The following ANKRD17 variants were observed in gnomAD, a reference collection of about 807,000 sequenced individuals.
ANKRD17 encodes ankyrin repeat domain-containing protein 17.
In ANKRD17, 19 loss-of-function variants were observed where a neutral mutation model predicts 229.7. That is an observed-to-expected ratio of 0.08 (90% CI 0.06 to 0.12). The LOEUF (loss-of-function observed/expected upper bound fraction) is 0.12. ANKRD17 is among the 10% of genes least tolerant of loss of function. The pLI, the probability that ANKRD17 is intolerant of heterozygous loss-of-function variation, is 1.00. For synonymous variants in ANKRD17, 1,112 were observed against 1,146.1 expected (o/e 0.97, Z 0.60); for missense variants, 2,176 against 3,176.8 (o/e 0.68, Z 7.57).
intron 29 of ANKRD17, among the ~76,000 whole-genome samples, chr4:73,086,785 T>C (rs1243397132): frequency 6.8e-6 from 1 of 146,640 alleles, no homozygotes; most frequent in African/African-American, 2.5e-5. Flanking sequence ...TTAGCTTTTA[T>C]AGAACACATG....
chr4:73,229,438 A>G (rs999419488), intron 1 of ANKRD17, among the ~76,000 whole-genome samples: 1 of 152,180 alleles, frequency 6.6e-6, no homozygotes, highest in Non-Finnish European at 1.5e-5. Context: ...AATCAATATT[A>G]GTTTTAAATC....
intron 1 of ANKRD17, among the ~76,000 whole-genome samples, chr4:73,245,427 C>T (rs761858447): frequency 2.0e-5 from 3 of 152,144 alleles, no homozygotes; most frequent in Admixed American, 2.0e-4. Flanking sequence ...CAGGTTCTTC[C>T]GAGCAAATGA....
chr4:73,205,205 T>C (rs1238195120), intron 1 of ANKRD17, among the ~76,000 whole-genome samples: 2 of 152,030 alleles, frequency 1.3e-5, no homozygotes, highest in Non-Finnish European at 2.9e-5. Flanking sequence ...ACACAGCCTA[T>C]AGTTGCAGCT....
chr4:73,137,251 A>T (rs1398787137), intron 15 of ANKRD17, among the ~76,000 whole-genome samples: 1 of 152,170 alleles, frequency 6.6e-6, no homozygotes, highest in African/African-American at 2.4e-5. Context: ...CACACATCAG[A>T]AAAGTTTTAA....
intron 29 of ANKRD17, among the ~76,000 whole-genome samples, chr4:73,090,008 C>T (rs1041645930): frequency 5.9e-5 from 9 of 151,994 alleles, no homozygotes; most frequent in Non-Finnish European, 7.4e-5. Context: ...AAAGATAATG[C>T]GAAATGAAAC....
intron 1 of ANKRD17, among the ~76,000 whole-genome samples, chr4:73,249,717 G>A (rs1472531019): frequency 1.3e-5 from 2 of 152,226 alleles, no homozygotes; most frequent in African/African-American, 2.4e-5. Flanking sequence ...AGCCGGGCGT[G>A]GTGGCGCCGG....
chr4:73,208,631 A>G (rs933616660), intron 1 of ANKRD17, among the ~76,000 whole-genome samples: 1 of 152,214 alleles, frequency 6.6e-6, no homozygotes, highest in African/African-American at 2.4e-5. Context: ...GGCATTAGAG[A>G]TCAATCCTCC....
chr4:73,225,972 G>GC (rs1333006130), intron 1 of ANKRD17, among the ~76,000 whole-genome samples: 6 of 121,550 alleles, frequency 4.9e-5, no homozygotes, highest in African/African-American at 2.0e-4. Context: ...AGGCTCTTAA[G>GC]CTTTTTTTTT....
At chr4:73,119,169 T>C (rs181794967) in intron 21 of ANKRD17, among the ~76,000 whole-genome samples, 133 of 152,216 alleles carry the variant, frequency 8.7e-4, no homozygotes, top group African/African-American at 3.1e-3. Context: ...TTATAGGCAT[T>C]GTCACCACAC....
At chr4:73,167,219 C>G (rs1003953737) in intron 2 of ANKRD17, among the ~76,000 whole-genome samples, 1 of 151,950 alleles carries the variant, frequency 6.6e-6, no homozygotes, top group Non-Finnish European at 1.5e-5. Context: ...TTTCATTACG[C>G]TATTCTCTTA....
At chr4:73,143,442 T>C (rs776621092) in intron 11 of ANKRD17, among the ~76,000 whole-genome samples, 23 of 152,232 alleles carry the variant, frequency 1.5e-4, no homozygotes, top group Admixed American at 3.3e-4. Flanking sequence ...TATCCCTAAT[T>C]TGGATTACTG....
At chr4:73,108,198 A>C (rs1259850617) in intron 24 of ANKRD17, among the ~76,000 whole-genome samples, 2 of 152,162 alleles carry the variant, frequency 1.3e-5, no homozygotes, top group African/African-American at 4.8e-5. Flanking sequence ...GGATGATTTC[A>C]AGGTTTCTGG....
rs1189995397 is a variant in ANKRD17, at chr4:73,146,853, T to C, written c.1780A>G (p.Thr594Ala). The C allele has an allele frequency of 1.2e-6, 2 of 1,612,608 alleles. No individual in the cohort carries two copies. The highest frequency in any genetic ancestry group is 1.7e-6 in the Non-Finnish European group (2 of 1,179,048). The change falls in exon 10 of 34, where the codon ACA (threonine) becomes GCA (alanine). Residue 594 changes from threonine to alanine, a missense_variant. Thr to Ala is a moderately conservative substitution (Grantham distance 58). Transcript: ENST00000358602. ...GTTAGTGCTGTATCCCCTGTTGCTG[T>C]TGTTGCATGAACGTTAGCTCCTGTA... The part of the protein sequence containing the change: ...LAAGANVHAT[T>A]ATGDTALTYA...
At chr4:73,081,766 C>T (rs1376202524) in intron 30 of ANKRD17, among the ~76,000 whole-genome samples, 1 of 152,160 alleles carries the variant, frequency 6.6e-6, no homozygotes, top group African/African-American at 2.4e-5. Flanking sequence ...TTAAGTTTCA[C>T]TGATACCACG....
chr4:73,106,101 G>C (rs769743345), intron 24 of ANKRD17, among the ~76,000 whole-genome samples: 3 of 152,114 alleles, frequency 2.0e-5, no homozygotes, highest in Admixed American at 1.3e-4. Context: ...ATGTTTGTTA[G>C]TGTGTGTGGG....
intron 1 of ANKRD17, among the ~76,000 whole-genome samples, chr4:73,231,493 T>C (rs1197975009): frequency 6.6e-6 from 1 of 152,188 alleles, no homozygotes. Context: ...CCTTGAATGG[T>C]TTGCCTGCAA....
intron 1 of ANKRD17, among the ~76,000 whole-genome samples, chr4:73,196,551 C>A (rs559692511): frequency 6.6e-6 from 1 of 152,086 alleles, no homozygotes; most frequent in Non-Finnish European, 1.5e-5. Context: ...TATATTTACA[C>A]ACACACACAA....
chr4:73,106,608 C>T (rs1458841227), intron 24 of ANKRD17, among the ~76,000 whole-genome samples: 6 of 152,080 alleles, frequency 3.9e-5, no homozygotes, highest in South Asian at 2.1e-4. Flanking sequence ...GGGCTGGGCA[C>T]GGTGGCTCAC....
chr4:73,243,764 G>A (rs1744244712), intron 1 of ANKRD17, among the ~76,000 whole-genome samples: 1 of 152,210 alleles, frequency 6.6e-6, no homozygotes, highest in Admixed American at 6.5e-5. Context: ...CAAGAGCTGA[G>A]TCTTAGATAT....
Sources: allele counts gnomAD v4.1 joint callset (sites outside exome capture counted in the v4.1 genomes callset), GRCh38; gene constraint gnomAD v4.1.1; transcripts MANE v1.5; gene names NCBI Gene and HGNC (gene_info 2026-07-23, HGNC 2026-07-21).